Variants in LAMA3 observed in about 807,000 individuals in gnomAD.
LAMA3 encodes the protein laminin subunit alpha-3.
In LAMA3, 281 loss-of-function variants were observed where a neutral mutation model predicts 402.0. That is an observed-to-expected ratio of 0.70 (90% confidence interval 0.63 to 0.77). LAMA3 has a LOEUF of 0.77. LAMA3 is among the 30% of genes least tolerant of loss of function. The pLI, the probability that LAMA3 is intolerant of heterozygous loss-of-function variation, is 0.00. For synonymous variants in LAMA3, 1,431 were observed against 1,558.4 expected, an observed-to-expected ratio of 0.92 and a Z score of 1.93; for missense variants, 3,840 against 4,215.5, an observed-to-expected ratio of 0.91 and a Z score of 2.47.
rs527251910 is a variant in LAMA3, at chr18:23,918,586, A to G, written c.7923+1891A>G. On this transcript the variant is annotated intron_variant, in intron 60 of 74. Transcript: ENST00000313654. This position sits in a 1 kb window ranked among gnomAD's most constrained non-coding sequence, Gnocchi z 4.1. ...ACCCTCTAAAATCTATTAGGTTAGA[A>G]AAGTCCAAAGTGACACTCTACAAGT... Among the ~76,000 whole-genome samples, 2 of 152,326 alleles carry G rather than the reference A, an allele frequency of 1.3e-5. No homozygotes were observed. Among genetic ancestry groups the G allele is most frequent in the African/African-American group, 2.4e-5 (1 of 41,570 alleles).
At chr18:23,886,260 A>G (rs2065069471) in intron 41 of LAMA3, among the ~76,000 whole-genome samples, 1 of 152,218 alleles carries the variant, frequency 6.6e-6, no homozygotes, top group Non-Finnish European at 1.5e-5. Flanking sequence ...GCCCTCCAGA[A>G]AAGTTTATAT....
At chr18:23,736,569 A>C (rs1156605746) in intron 2 of LAMA3, among the ~76,000 whole-genome samples, 2 of 152,216 alleles carry the variant, frequency 1.3e-5, no homozygotes, top group East Asian at 3.9e-4. Context: ...ACTGTTACAA[A>C]TTAGAATTCT....
intron 39 of LAMA3, 90 bp from the exon 40 acceptor site, chr18:23,881,846 T>C: frequency 1.2e-6 from 1 of 814,610 alleles, no homozygotes; most frequent in Admixed American, 2.0e-5. Flanking sequence ...AGGACTTGAG[T>C]TGTAGTCATG....
intron 13 of LAMA3, among the ~76,000 whole-genome samples, chr18:23,812,668 G>C (rs557553762): frequency 1.3e-5 from 2 of 152,182 alleles, no homozygotes; most frequent in Admixed American, 6.5e-5. Context: ...GATAATTAAA[G>C]ATGTACTTAG....
intron 25 of LAMA3, 72 bp downstream of exon 25, chr18:23,837,161 A>G (rs1272321187): frequency 3.7e-6 from 4 of 1,066,860 alleles, no homozygotes; most frequent in Non-Finnish European, 5.7e-6. Flanking sequence ...AGCTTATTAA[A>G]ATTTTGGCTG....
rs927955332 is a variant in LAMA3 at position 23,895,030 on chromosome 18, A to G, written c.5585A>G (p.His1862Arg). The G allele has an allele frequency of 3.7e-6, 6 of 1,608,918 alleles. No individual in the cohort carries two copies. The highest frequency in any genetic ancestry group is 5.1e-6 in the Non-Finnish European group (6 of 1,177,722). ...GCAGGGCTTCTGGAGCAGATGAGGC[A>G]CATGGAGACCCAGGCCAAGGACCTG... ...ASAGLLEQMR[H>R]METQAKDLRN... Residue 1862 changes from histidine (H) to arginine (R), a missense_variant, in exon 44 of 75, where the codon CAC becomes CGC. By Grantham distance (29) the His-to-Arg change is conservative. This residue lies in a region of LAMA3 where 891 missense variants were observed against 857.5 expected (regional missense o/e 1.04). Transcript: ENST00000313654.
At chr18:23,711,302 T>C (rs1290250565) in intron 1 of LAMA3, among the ~76,000 whole-genome samples, 2 of 152,234 alleles carry the variant, frequency 1.3e-5, no homozygotes, top group Non-Finnish European at 2.9e-5. Context: ...TTGCTCAGAC[T>C]TGAAATATAT....
intron 9 of LAMA3, among the ~76,000 whole-genome samples, chr18:23,775,375 C>T (rs1202023705): frequency 6.6e-6 from 1 of 152,206 alleles, no homozygotes; most frequent in African/African-American, 2.4e-5. Context: ...ACACTTGCAT[C>T]TGTATCATAA....
chr18:23,758,005 A>T (rs1200019184), intron 6 of LAMA3, among the ~76,000 whole-genome samples: 1 of 152,218 alleles, frequency 6.6e-6, no homozygotes, highest in Non-Finnish European at 1.5e-5. Flanking sequence ...CCAGATCTTT[A>T]TGCAGGTGTG....
intron 14 of LAMA3, 114 bp downstream of exon 14, chr18:23,813,217 G>T: frequency 1.4e-6 from 1 of 724,138 alleles, no homozygotes; most frequent in Non-Finnish European, 2.4e-6. Context: ...AGGCTAAATT[G>T]CTTAAAGAGG....
At chr18:23,760,758 A>G (rs1177937694) in intron 7 of LAMA3, among the ~76,000 whole-genome samples, 1 of 152,224 alleles carries the variant, frequency 6.6e-6, no homozygotes, top group Non-Finnish European at 1.5e-5. Flanking sequence ...ACGTCTGGGT[A>G]GCTTATAAAC....
intron 2 of LAMA3, among the ~76,000 whole-genome samples, chr18:23,744,953 C>G (rs962167614): frequency 6.6e-6 from 1 of 151,292 alleles, no homozygotes; most frequent in African/African-American, 2.4e-5. Flanking sequence ...GATTAAATTC[C>G]GAAATGGGAA....
chr18:23,880,016 TA>T (rs1430495013), intron 39 of LAMA3, among the ~76,000 whole-genome samples: 1 of 152,202 alleles, frequency 6.6e-6, no homozygotes, highest in Non-Finnish European at 1.5e-5. Flanking sequence ...TCATTTGGAT[TA>T]AAAGAGAAAG....
At chr18:23,759,649 C>G (rs2061928874) in intron 7 of LAMA3, among the ~76,000 whole-genome samples, 1 of 152,188 alleles carries the variant, frequency 6.6e-6, no homozygotes, top group African/African-American at 2.4e-5. Context: ...TCTTGGGATC[C>G]ACCCACCTTG....
At chr18:23,827,652 A>G (rs1598872305) in intron 23 of LAMA3, among the ~76,000 whole-genome samples, 185 bp downstream of exon 23, 2 of 152,192 alleles carry the variant, frequency 1.3e-5, no homozygotes, top group Admixed American at 6.5e-5. Flanking sequence ...ACATGGAGCC[A>G]TGTTCAGGTT....
At chr18:23,842,587 A>G (rs1438336888) in intron 28 of LAMA3, 24 bp from the exon 29 acceptor site, 3 of 1,614,166 alleles carry the variant, frequency 1.9e-6, no homozygotes, top group Non-Finnish European at 2.5e-6. Flanking sequence ...TGCATGACAG[A>G]AAGTCTCTCT....
chr18:23,758,294 T>C, intron 6 of LAMA3, 102 bp from the exon 7 acceptor site: 1 of 786,480 alleles, frequency 1.3e-6, no homozygotes. Context: ...AATGGTGCCG[T>C]GGATGACCGT....
rs552586771 is a variant in LAMA3 at position 23,846,400 on chromosome 18, G to A, written c.3823G>A (p.Gly1275Ser). 71 of 1,614,056 alleles carry A rather than the reference G, an allele frequency of 4.4e-5. No individual in the cohort carries two copies. The Middle Eastern group carries it at 6.6e-4, about 15-fold the overall frequency. The change falls in exon 31 of 75, where the codon GGC becomes AGC. Residue 1275 changes from glycine to serine, a missense_variant. Gly to Ser is a moderately conservative substitution (Grantham distance 56). This residue lies in a region of LAMA3 where 2,109 missense variants were observed against 2,376.0 expected (regional missense o/e 0.89). Transcript: ENST00000313654. ...PCECHPTGAT[G>S]PHCSPEGGQC... ...TGAGTGCCACCCCACTGGGGCCACC[G>A]GCCCTCACTGCAGCCCTGAGGGTGG... is the stretch of plus-strand genomic sequence containing the variant.
chr18:23,873,159 C>T, intron 38 of LAMA3: 2 of 1,614,250 alleles, frequency 1.2e-6, no homozygotes, highest in Admixed American at 1.7e-5. Context: ...GCCATTTCTT[C>T]AGCCTCCCGG....
Sources: gnomAD v4.1 joint callset for allele counts (sites outside exome capture counted in the v4.1 genomes callset) on GRCh38, gnomAD v4.1.1 for gene constraint, gnomAD v4.1.1 regional missense constraint, Gnocchi (gnomAD v3.1) non-coding constraint, MANE v1.5 for transcripts, NCBI Gene and HGNC (gene_info 2026-07-23, HGNC 2026-07-21) for gene names.